The following FAM162A variants were observed in gnomAD, a reference collection of about 807,000 sequenced individuals.
The protein encoded by FAM162A is family with sequence similarity 162 member A.
Under a neutral mutation model 21.8 loss-of-function variants are expected in FAM162A, and 23 were observed. The ratio of observed to expected loss-of-function variants is 1.05; its 90% CI spans 0.76 to 1.49. The LOEUF is 1.49. Ranked by LOEUF, FAM162A falls within the 40% of genes most tolerant of loss-of-function variation. FAM162A has a pLI of 0.00. For synonymous variants in FAM162A, 53 were observed against 61.3 expected (o/e 0.86, Z 0.64); for missense variants, 165 against 186.4 (o/e 0.89, Z 0.67).
intron 3 of FAM162A, among the ~76,000 whole-genome samples, chr3:122,405,850 TC>T (rs1275938705): frequency 6.6e-6 from 1 of 152,116 alleles, no homozygotes; most frequent in East Asian, 1.9e-4. Flanking sequence ...ACATGGGAAG[TC>T]AGTTTGTGGT....
chr3:122,399,321 CTTATT>C lies in FAM162A; in HGVS notation c.35-3432_35-3428del, dbSNP rs137862024. On this transcript the variant is annotated intron_variant, in intron 1 of 4. Transcript: ENST00000477892. ...CCATGGTGTATATGTACCACATTTT[CTTATT>C]TTATTTATTTATTTTTTGAGACACA... 3.3e-5 allele frequency among the ~76,000 whole-genome samples: 5 copies of C among 151,982 alleles called. No homozygotes were observed. In the East Asian group the frequency reaches 9.7e-4, roughly 29 times the overall value.
chr3:122,390,773 T>G (rs1286819799), intron 1 of FAM162A, among the ~76,000 whole-genome samples: 1 of 152,212 alleles, frequency 6.6e-6, no homozygotes, highest in Non-Finnish European at 1.5e-5. Context: ...GTAATCTGTT[T>G]CACAGGGTCC....
intron 1 of FAM162A, among the ~76,000 whole-genome samples, chr3:122,387,156 G>C (rs564405998): frequency 6.6e-6 from 1 of 152,314 alleles, no homozygotes; most frequent in South Asian, 2.1e-4. Flanking sequence ...AATGTAAGGT[G>C]AGTTTTCACA....
Sources: gnomAD v4.1 joint callset for allele counts (sites outside exome capture counted in the v4.1 genomes callset) on GRCh38, gnomAD v4.1.1 for gene constraint, MANE v1.5 for transcripts, NCBI Gene and HGNC (gene_info 2026-07-23, HGNC 2026-07-21) for gene names.